The following KMT5B variants were observed in gnomAD, a reference collection of about 807,000 sequenced individuals.
The protein encoded by KMT5B is histone-lysine N-methyltransferase KMT5B.
KMT5B carries 10 observed loss-of-function variants against 83.2 expected under a neutral mutation model. The ratio of observed to expected loss-of-function variants is 0.12; its 90% CI spans 0.07 to 0.20. The LOEUF is 0.20. Ranked by LOEUF, KMT5B falls within the 10% of genes least tolerant of loss-of-function variation. The probability of loss-of-function intolerance (pLI) is 1.00; values close to 1 mark genes in which losing one functional copy is unlikely to be tolerated. For synonymous variants in KMT5B, 349 were observed against 388.8 expected, an observed-to-expected ratio of 0.90 and a Z score of 1.20; for missense variants, 753 against 1,067.2, an observed-to-expected ratio of 0.71 and a Z score of 4.10.
intron 1 of KMT5B, among the ~76,000 whole-genome samples, chr11:68,196,128 G>A (rs1264628511): frequency 6.6e-6 from 1 of 152,180 alleles, no homozygotes; most frequent in Non-Finnish European, 1.5e-5. Flanking sequence ...CTGGACTCCA[G>A]CCTGAGTGAC....
chr11:68,194,820 A>G (rs1195464930), intron 1 of KMT5B, among the ~76,000 whole-genome samples: 1 of 152,216 alleles, frequency 6.6e-6, no homozygotes. Context: ...ACAGATGCAT[A>G]AACTTGGCAT....
intron 10 of KMT5B, chr11:68,164,641 G>T (rs955754640): frequency 3.9e-6 from 2 of 512,908 alleles, no homozygotes; most frequent in African/African-American, 1.9e-5. Context: ...CATGACCTCA[G>T]AGTTAGTCAT....
At chr11:68,178,091 T>C (rs1856550567) in intron 4 of KMT5B, among the ~76,000 whole-genome samples, 1 of 152,186 alleles carries the variant, frequency 6.6e-6, no homozygotes, top group Non-Finnish European at 1.5e-5. Flanking sequence ...AAAGCAATAG[T>C]TCACTTTAAG....
intron 2 of KMT5B, 149 bp downstream of exon 2, chr11:68,189,768 C>A: frequency 1.5e-6 from 1 of 649,252 alleles, no homozygotes; most frequent in Non-Finnish European, 2.5e-6. Flanking sequence ...AAAATTGACA[C>A]AACTTTGAGA....
rs1859398790 is a variant in KMT5B, at chr11:68,157,691, G to C, written c.2655C>G (p.Ala885=). 2 of 1,550,732 alleles carry C rather than the reference G, an allele frequency of 1.3e-6. No individual in the cohort carries two copies. Among genetic ancestry groups the C allele is most frequent in the Admixed American group, 2.0e-5 (1 of 48,826 alleles). ...RREDQSLRLN[A] is the part of the protein sequence containing the mutation. Reference sequence around the variant, plus strand: ...AGGTCAAGTTAAGACCAAGAGCTTAGGCATTAAGCCTTAAAGACTGATCTT... The same window carrying C: ...AGGTCAAGTTAAGACCAAGAGCTTACGCATTAAGCCTTAAAGACTGATCTT... The change falls in exon 11 of 11, where the codon GCC becomes GCG. Residue 885 remains alanine, a synonymous_variant. Coordinates refer to ENST00000304363, the MANE Select transcript of KMT5B (RefSeq NM_017635.5).
intron 3 of KMT5B, among the ~76,000 whole-genome samples, chr11:68,184,447 C>T (rs1426802282): frequency 6.6e-6 from 1 of 152,128 alleles, no homozygotes; most frequent in Non-Finnish European, 1.5e-5. Context: ...TGGATTTAGA[C>T]TGTAATTGAT....
Position 68,162,161 on chromosome 11 carries a change from T to C in KMT5B, c.1175-2990A>G, listed in dbSNP as rs77651610. Among the ~76,000 whole-genome samples the C allele has an allele frequency of 2.0e-3, 301 of 152,350 alleles. 4 individuals are homozygous for C. The East Asian group carries it at 0.037, about 19-fold the overall frequency. On this transcript the variant is annotated intron_variant, in intron 10 of 10. Transcript: ENST00000304363. The stretch of plus-strand genomic sequence containing the variant: ...CCCTGTCTCGAAAGCCACAGCCTCC[T>C]GCATGAACTATGGCAGTTTTGTTTT...
chr11:68,176,145 T>C (rs1401364817), intron 4 of KMT5B, among the ~76,000 whole-genome samples: 1 of 152,162 alleles, frequency 6.6e-6, no homozygotes, highest in Non-Finnish European at 1.5e-5. Flanking sequence ...CCTCAAGTGG[T>C]CTGCCCACCT....
At chr11:68,169,199 G>A (rs148819170) in intron 9 of KMT5B, among the ~76,000 whole-genome samples, 33 of 152,278 alleles carry the variant, frequency 2.2e-4, no homozygotes, top group African/African-American at 7.2e-4. Flanking sequence ...TTTCACCAGT[G>A]AGAAAACAGA....
intron 3 of KMT5B, among the ~76,000 whole-genome samples, chr11:68,183,675 T>A (rs948986107): frequency 1.3e-5 from 2 of 148,184 alleles, no homozygotes; most frequent in Non-Finnish European, 3.0e-5. Context: ...CTTTTTTTTT[T>A]TTTTGAGGCA....
chr11:68,160,277 C>G (rs1319262650), intron 10 of KMT5B, among the ~76,000 whole-genome samples: 2 of 152,174 alleles, frequency 1.3e-5, no homozygotes, highest in Non-Finnish European at 2.9e-5. Flanking sequence ...GTGTCTCTGA[C>G]CTTGCCACTG....
intron 1 of KMT5B, among the ~76,000 whole-genome samples, chr11:68,201,918 CAAA>C (rs779662280): frequency 8.4e-5 from 7 of 82,926 alleles, no homozygotes; most frequent in Admixed American, 2.7e-4. Flanking sequence ...CAGTCTCTAC[CAAA>C]AAAAAAAAAA....
chr11:68,157,672 A>C lies in KMT5B; in HGVS notation c.*16T>G. Reference sequence around the variant, plus strand: ...TCTTTAAAGTAGTTATCCCAGGTCAAGTTAAGACCAAGAGCTTAGGCATTA... The same window carrying C: ...TCTTTAAAGTAGTTATCCCAGGTCACGTTAAGACCAAGAGCTTAGGCATTA... On this transcript the variant is annotated 3_prime_UTR_variant, in exon 11 of 11. Transcript: ENST00000304363. 1.3e-6 allele frequency: 2 copies of C among 1,526,140 alleles called. No individual in the cohort carries two copies. Among genetic ancestry groups the C allele is most frequent in the Non-Finnish European group, 1.8e-6 (2 of 1,139,780 alleles). 94.5% of individuals were successfully genotyped at this position (1,526,140 alleles called of 1,614,324 possible).
intron 6 of KMT5B, among the ~76,000 whole-genome samples, chr11:68,173,413 T>A (rs1856037683): frequency 6.6e-6 from 1 of 152,198 alleles, no homozygotes; most frequent in Non-Finnish European, 1.5e-5. Flanking sequence ...TTTAAGCAAC[T>A]AATGCTTTAG....
chr11:68,177,728 T>C (rs1856516332), intron 4 of KMT5B, among the ~76,000 whole-genome samples: 1 of 152,188 alleles, frequency 6.6e-6, no homozygotes, highest in Admixed American at 6.5e-5. Context: ...TACAAGCCTT[T>C]ACAGACAGAT....
At chr11:68,198,049 A>G (rs899368670) in intron 1 of KMT5B, among the ~76,000 whole-genome samples, 1 of 152,192 alleles carries the variant, frequency 6.6e-6, no homozygotes, top group Non-Finnish European at 1.5e-5. Flanking sequence ...ACGTTTACAC[A>G]TTAAAGGTAG....
At position 68,156,437 on chromosome 11, in the gene KMT5B, C is replaced by T. The variant is rs937263468; in HGVS notation, c.*1251G>A. On this transcript the variant is annotated 3_prime_UTR_variant, in exon 11 of 11. Transcript: ENST00000304363. ...TCAAAAAACAAATTAAATCTGACTC[C>T]TTTTTGTTTAACTGATAATATAGTC... 9 of 152,514 alleles carry T rather than the reference C, an allele frequency of 5.9e-5. No homozygotes were observed. Among genetic ancestry groups the T allele is most frequent in the African/African-American group, 2.2e-4 (9 of 41,406 alleles). 9.4% of individuals were successfully genotyped at this position (152,514 alleles called of 1,614,324 possible).
At chr11:68,164,715 A>T (rs750909858) in intron 10 of KMT5B, 1 of 508,302 alleles carries the variant, frequency 2.0e-6, no homozygotes, top group Non-Finnish European at 3.9e-6. Flanking sequence ...AAGCACCCCA[A>T]TATCAGCAGT....
intron 2 of KMT5B, among the ~76,000 whole-genome samples, chr11:68,187,278 G>A (rs1021382593): frequency 3.3e-5 from 5 of 152,140 alleles, no homozygotes; most frequent in Non-Finnish European, 7.3e-5. Context: ...GATTACAGGC[G>A]TGAGCCACCA....
Sources: gnomAD v4.1 joint callset for allele counts (sites outside exome capture counted in the v4.1 genomes callset) on GRCh38, gnomAD v4.1.1 for gene constraint, MANE v1.5 for transcripts, NCBI Gene and HGNC (gene_info 2026-07-23, HGNC 2026-07-21) for gene names.